The following PAM variants were observed in gnomAD, a reference collection of about 807,000 sequenced individuals.
PAM encodes peptidylglycine alpha-amidating monooxygenase.
In PAM, 72 loss-of-function variants were observed where a neutral mutation model predicts 122.1. The ratio of observed to expected loss-of-function variants is 0.59; its 90% CI spans 0.49 to 0.72. PAM has a LOEUF of 0.72. Among genes scored for constraint, PAM ranks in the 30% least tolerant of loss-of-function variants. PAM has a pLI of 0.00. For synonymous variants in PAM, 389 were observed against 404.4 expected (o/e 0.96, Z 0.46); for missense variants, 1,106 against 1,183.7 (o/e 0.93, Z 0.96).
chr5:102,784,375 C>T (rs1056276452), intron 1 of PAM, among the ~76,000 whole-genome samples: 6 of 152,170 alleles, frequency 3.9e-5, no homozygotes, highest in African/African-American at 1.4e-4. Flanking sequence ...CCCTTGCACC[C>T]ACACACCTTA....
chr5:102,987,669 T>A (rs1003210476), intron 15 of PAM: 2 of 363,646 alleles, frequency 5.5e-6, no homozygotes, highest in Non-Finnish European at 1.1e-5. Context: ...CAATAAAACA[T>A]GTTTCTAAAC....
intron 24 of PAM, among the ~76,000 whole-genome samples, chr5:103,026,108 A>G (rs548183169): frequency 3.3e-5 from 5 of 152,310 alleles, no homozygotes; most frequent in African/African-American, 4.8e-5. Context: ...CAGAGTTAGT[A>G]TTTTATGAAA....
At chr5:102,809,154 T>C (rs1368651296) in intron 1 of PAM, among the ~76,000 whole-genome samples, 1 of 152,100 alleles carries the variant, frequency 6.6e-6, no homozygotes, top group African/African-American at 2.4e-5. Context: ...GTTCTGCCCA[T>C]AAAGTTAGTC....
At chr5:102,985,528 A>G (rs532643026) in intron 15 of PAM, among the ~76,000 whole-genome samples, 1 of 152,162 alleles carries the variant, frequency 6.6e-6, no homozygotes, top group South Asian at 2.1e-4. Flanking sequence ...GATGCATATA[A>G]CCTACCAAGC....
At chr5:102,902,878 G>C (rs1057136475) in intron 4 of PAM, among the ~76,000 whole-genome samples, 2 of 151,492 alleles carry the variant, frequency 1.3e-5, no homozygotes, top group South Asian at 4.1e-4. Context: ...TAATAGGTTT[G>C]TTTCTGGAGA....
intron 4 of PAM, among the ~76,000 whole-genome samples, chr5:102,912,619 T>A (rs530649552): frequency 1.4e-5 from 2 of 140,722 alleles, no homozygotes; most frequent in East Asian, 3.9e-4. Flanking sequence ...TGATAAGGAC[T>A]TTCTATGAAT....
intron 1 of PAM, among the ~76,000 whole-genome samples, chr5:102,832,096 A>G (rs933659904): frequency 8.5e-5 from 13 of 152,158 alleles, no homozygotes; most frequent in Admixed American, 2.0e-4. Flanking sequence ...AAATTCAGAA[A>G]TGTCCAAATT....
intron 7 of PAM, among the ~76,000 whole-genome samples, chr5:102,931,686 C>A (rs939966012): frequency 6.6e-6 from 1 of 152,122 alleles, no homozygotes; most frequent in African/African-American, 2.4e-5. Context: ...GGTCTCTTCC[C>A]AAATGTATTG....
intron 1 of PAM, among the ~76,000 whole-genome samples, chr5:102,817,141 A>T (rs1770130230): frequency 1.3e-5 from 2 of 152,082 alleles, no homozygotes; most frequent in African/African-American, 2.4e-5. Flanking sequence ...TACTGTGAAC[A>T]TGTTTTATAT....
At chr5:102,988,417 TA>T (rs1772701430) in intron 15 of PAM, among the ~76,000 whole-genome samples, 1 of 152,156 alleles carries the variant, frequency 6.6e-6, no homozygotes, top group African/African-American at 2.4e-5. Flanking sequence ...TCCTGGGTTT[TA>T]AAAACATTTT....
intron 3 of PAM, among the ~76,000 whole-genome samples, chr5:102,893,833 ATT>A: frequency 1.3e-5 from 2 of 151,778 alleles, no homozygotes; most frequent in South Asian, 4.1e-4. Flanking sequence ...TAATATCAAC[ATT>A]GCTTTAAATA....
chr5:103,006,789 C>CT lies in PAM; in HGVS notation c.1804-7dup. 1 of 1,596,840 alleles carries CT rather than the reference C, an allele frequency of 6.3e-7. No homozygotes were observed. Among genetic ancestry groups the CT allele is most frequent in the South Asian group, 1.1e-5 (1 of 89,808 alleles). ...TGAAAAGTAGGTAAGGCTTTTGTTCCTTTTTAAAAAGGTGTTCAAACTGGA... is the reference window on the plus strand; with the variant it reads ...TGAAAAGTAGGTAAGGCTTTTGTTCCTTTTTTAAAAAGGTGTTCAAACTGGA... On this transcript the variant is annotated splice_polypyrimidine_tract_variant and intron_variant, in intron 18 of 25. Transcript: ENST00000438793.
At chr5:102,772,618 C>T (rs1374354647) in intron 1 of PAM, among the ~76,000 whole-genome samples, 4 of 152,004 alleles carry the variant, frequency 2.6e-5, no homozygotes, top group Admixed American at 6.6e-5. Context: ...TTATACTTGT[C>T]GTAGTATTAC....
chr5:102,950,022 C>A, intron 11 of PAM, 44 bp downstream of exon 11: 1 of 970,766 alleles, frequency 1.0e-6, no homozygotes, highest in Non-Finnish European at 1.6e-6. Flanking sequence ...AAATATTAAC[C>A]AGCAGAAAGT....
chr5:103,029,056 C>A lies in PAM; in HGVS notation c.2913C>A (p.Ser971=). 2 of 1,603,446 alleles carry A rather than the reference C, an allele frequency of 1.2e-6. No individual in the cohort carries two copies. The highest frequency in any genetic ancestry group is 1.7e-6 in the Non-Finnish European group (2 of 1,176,846). ...CACCTCTGCCTGCGCTCGCACCTTC[C>A]TCCTCCTGAAAACCAAGCTTTGATT... is the stretch of plus-strand genomic sequence containing the variant. ...YSAPLPALAP[S]SS is the part of the protein sequence containing the mutation. The change falls in exon 26 of 26, where the codon TCC becomes TCA. Residue 971 remains serine, a synonymous_variant. Coordinates refer to ENST00000438793, the MANE Select transcript of PAM (RefSeq NM_001177306.2).
intron 24 of PAM, among the ~76,000 whole-genome samples, chr5:103,027,397 A>G (rs904094006): frequency 2.0e-5 from 3 of 152,182 alleles, no homozygotes; most frequent in Non-Finnish European, 4.4e-5. Flanking sequence ...TCCTGGTTAA[A>G]GACCTAACAG....
chr5:102,856,558 A>G (rs1782679926), intron 1 of PAM, among the ~76,000 whole-genome samples: 1 of 152,202 alleles, frequency 6.6e-6, no homozygotes, highest in South Asian at 2.1e-4. Flanking sequence ...AGGAAGCAAC[A>G]TTTGTATTAG....
At chr5:102,780,961 C>A (rs779905963) in intron 1 of PAM, among the ~76,000 whole-genome samples, 7 of 151,668 alleles carry the variant, frequency 4.6e-5, no homozygotes, top group Middle Eastern at 6.8e-3. Context: ...GCTTCTACCC[C>A]CTGGATGTCA....
chr5:103,009,962 A>C, intron 21 of PAM, 96 bp downstream of exon 21: 1 of 474,024 alleles, frequency 2.1e-6, no homozygotes, highest in Non-Finnish European at 3.7e-6. Context: ...CTTTAGAAAA[A>C]CTTTTAAGAA....
Sources: allele counts gnomAD v4.1 joint callset (sites outside exome capture counted in the v4.1 genomes callset), GRCh38; gene constraint gnomAD v4.1.1; transcripts MANE v1.5; gene names NCBI Gene and HGNC (gene_info 2026-07-23, HGNC 2026-07-21).